Variants in CUL4A observed in about 807,000 individuals in gnomAD.
The protein encoded by CUL4A is cullin 4A.
Under a neutral mutation model 95.5 loss-of-function variants are expected in CUL4A, and 16 were observed. The observed-to-expected ratio is 0.17, with a 90% CI of 0.11 to 0.25. The LOEUF (loss-of-function observed/expected upper bound fraction) is 0.25, where lower values mean the gene tolerates loss of function less well. CUL4A is among the 10% of genes least tolerant of loss of function. The pLI, the probability that CUL4A is intolerant of heterozygous loss-of-function variation, is 1.00. For missense variants in CUL4A, 610 were observed against 937.0 expected (o/e 0.65, Z 4.56); for synonymous variants, 380 against 353.1 (o/e 1.08, Z -0.85).
chr13:113,221,044 G>A (rs889285212), intron 3 of CUL4A, among the ~76,000 whole-genome samples: 1 of 152,190 alleles, frequency 6.6e-6, no homozygotes, highest in Admixed American at 6.5e-5. Flanking sequence ...TGAAGCATCT[G>A]GGGCAGAGCC....
intron 15 of CUL4A, among the ~76,000 whole-genome samples, chr13:113,249,471 C>T (rs1008330686): frequency 2.6e-5 from 4 of 152,220 alleles, no homozygotes; most frequent in East Asian, 1.9e-4. Flanking sequence ...CACATTGTAT[C>T]GATAGGTCAC....
At chr13:113,241,058 A>G (rs1415671594) in intron 10 of CUL4A, among the ~76,000 whole-genome samples, 1 of 152,228 alleles carries the variant, frequency 6.6e-6, no homozygotes, top group African/African-American at 2.4e-5. Context: ...GTCATGTATC[A>G]GTCCAGCTGT....
chr13:113,239,579 C>T (rs375693164), intron 10 of CUL4A, 28 bp downstream of exon 10: 152 of 1,545,842 alleles, frequency 9.8e-5, no homozygotes, highest in African/African-American at 9.0e-4. Context: ...AGGCCGCGGG[C>T]GTGGGCATTC....
intron 4 of CUL4A, among the ~76,000 whole-genome samples, chr13:113,228,744 CTCA>C (rs2041199204): frequency 6.6e-6 from 1 of 151,958 alleles, no homozygotes; most frequent in African/African-American, 2.4e-5. Context: ...GTCCAAGAGC[CTCA>C]TCATGTAACA....
intron 2 of CUL4A, among the ~76,000 whole-genome samples, chr13:113,216,124 T>C (rs1438950811): frequency 2.0e-5 from 3 of 151,684 alleles, no homozygotes; most frequent in African/African-American, 7.3e-5. Context: ...TGTGTGACTA[T>C]GGAGGTCTCA....
chr13:113,233,645 T>C (rs373543109), intron 6 of CUL4A, among the ~76,000 whole-genome samples: 91 of 152,258 alleles, frequency 6.0e-4, no homozygotes, highest in African/African-American at 2.1e-3. Flanking sequence ...GGGGAAAATA[T>C]TAGCAACACA....
intron 3 of CUL4A, among the ~76,000 whole-genome samples, chr13:113,224,196 C>CA (rs1212306574): frequency 6.6e-6 from 1 of 152,068 alleles, no homozygotes. Context: ...ACTGAAAATA[C>CA]AAAAAAATTA....
At chr13:113,233,093 T>C (rs996024393) in intron 5 of CUL4A, 84 bp from the exon 6 acceptor site, 5 of 1,399,870 alleles carry the variant, frequency 3.6e-6, no homozygotes, top group Non-Finnish European at 4.9e-6. Context: ...TTTGGGATGA[T>C]ATTGAATAGC....
rs762615225 is a variant in CUL4A at position 113,264,270 on chromosome 13, G to A, written c.*688G>A. The A allele has an allele frequency of 3.9e-5, 6 of 152,334 alleles. No homozygotes were observed. Among genetic ancestry groups the A allele is most frequent in the Non-Finnish European group, 8.8e-5 (6 of 68,040 alleles). The allele number at this position is 152,334 out of a possible 1,614,324, so 9.4% of individuals were successfully genotyped here. A position where few individuals can be genotyped will look rare whatever the true frequency, so the allele number is the denominator to read the frequency against. ...TCAGCTGAGTTCCTTGTGAATCTCTGTTTTAGGGTTTGGGGCTAGTGTGTT... is the reference window on the plus strand; with the variant it reads ...TCAGCTGAGTTCCTTGTGAATCTCTATTTTAGGGTTTGGGGCTAGTGTGTT... On this transcript the variant is annotated 3_prime_UTR_variant, in exon 20 of 20. Transcript: ENST00000375440.
At chr13:113,249,297 C>G (rs2041933418) in intron 15 of CUL4A, among the ~76,000 whole-genome samples, 1 of 151,912 alleles carries the variant, frequency 6.6e-6, no homozygotes, top group African/African-American at 2.4e-5. Flanking sequence ...TACATGAGCG[C>G]TTTATTCCAT....
At chr13:113,227,371 G>A (rs975287545) in intron 3 of CUL4A, among the ~76,000 whole-genome samples, 4 of 152,182 alleles carry the variant, frequency 2.6e-5, no homozygotes, top group East Asian at 3.8e-4. Flanking sequence ...CTTATGTGGT[G>A]GAAGAGGCAG....
At chr13:113,217,395 G>A (rs1448651627) in intron 2 of CUL4A, among the ~76,000 whole-genome samples, 1 of 152,154 alleles carries the variant, frequency 6.6e-6, no homozygotes, top group Admixed American at 6.6e-5. Flanking sequence ...CGTTTCTATA[G>A]TAAGACAAAA....
In CUL4A at chr13:113,258,024, G is replaced by GTTTTC. The variant is rs200257158; in HGVS notation, c.2032-2579_2032-2578insCTTTT. Among the ~76,000 whole-genome samples the GTTTTC allele has an allele frequency of 7.0e-3, 1,063 of 151,680 alleles. 7 individuals carry two copies. The highest frequency in any genetic ancestry group is 0.012 in the Admixed American group (184 of 15,220). Reference sequence around the variant, plus strand: ...CCAGCCATTTTTTTTGTTTTGTTTTGTTTTGTTTTTTGAGACAGTGTCGCC... The same window carrying GTTTTC: ...CCAGCCATTTTTTTTGTTTTGTTTTGTTTTCTTTTGTTTTTTGAGACAGTGTCGCC... On this transcript the variant is annotated intron_variant, in intron 18 of 19. Coordinates refer to ENST00000375440, the MANE Select transcript of CUL4A (RefSeq NM_001008895.4).
intron 8 of CUL4A, 73 bp from the exon 9 acceptor site, chr13:113,236,750 C>A: frequency 1.0e-6 from 1 of 973,052 alleles, no homozygotes; most frequent in Non-Finnish European, 1.6e-6. Context: ...AGACAAATGC[C>A]CCCATCTTTT....
intron 5 of CUL4A, among the ~76,000 whole-genome samples, chr13:113,232,118 C>T (rs867991889): frequency 1.0e-4 from 15 of 143,206 alleles, no homozygotes; most frequent in South Asian, 2.1e-4. Context: ...CGCCCACCAC[C>T]ATTACTGTCA....
chr13:113,248,551 A>T (rs2041913751), intron 15 of CUL4A, among the ~76,000 whole-genome samples: 1 of 152,134 alleles, frequency 6.6e-6, no homozygotes, highest in African/African-American at 2.4e-5. Flanking sequence ...GGTAAAATAT[A>T]CTTTAACATT....
At chr13:113,208,796 C>G (rs1003076435), upstream of CUL4A, 28 of 1,418,432 alleles carry the variant, frequency 2.0e-5, no homozygotes, top group African/African-American at 3.0e-5. Flanking sequence ...CGGCGACGCG[C>G]TCGGGCTGAG....
upstream of CUL4A, chr13:113,208,385 G>A (rs2040107338): frequency 5.6e-6 from 8 of 1,439,152 alleles, no homozygotes; most frequent in East Asian, 2.5e-5. Context: ...GACACCGCCC[G>A]GCCCCCACGG....
rs1186011375 is a variant in CUL4A at position 113,263,491 on chromosome 13, G to C, written c.2189G>C (p.Gly730Ala). 1 of 1,593,148 alleles carries C rather than the reference G, an allele frequency of 6.3e-7. No individual in the cohort carries two copies. The highest frequency in any genetic ancestry group is 8.5e-7 in the Non-Finnish European group (1 of 1,170,402). The change falls in exon 20 of 20, where the codon GGA (glycine) becomes GCA (alanine). Residue 730 changes from glycine to alanine, a missense_variant. By Grantham distance (60) the Gly-to-Ala change is moderately conservative. Coordinates refer to ENST00000375440, the MANE Select transcript of CUL4A (RefSeq NM_001008895.4). ...YNQLKFPVKP[G>A]DLKKRIESLI... ...GGTTTTATTCTTCTTTTTTAGCCTG[G>C]AGATTTGAAAAAGAGAATTGAATCT...
Sources: gnomAD v4.1 joint callset for allele counts (sites outside exome capture counted in the v4.1 genomes callset) on GRCh38, gnomAD v4.1.1 for gene constraint, MANE v1.5 for transcripts, NCBI Gene and HGNC (gene_info 2026-07-23, HGNC 2026-07-21) for gene names.